Variants in CDH20 observed in about 807,000 individuals in gnomAD.
CDH20 encodes the protein cadherin 20, also known as cadherin-20.
In CDH20, 29 loss-of-function variants were observed where a neutral mutation model predicts 74.2. The ratio of observed to expected loss-of-function variants is 0.39; its 90% confidence interval spans 0.29 to 0.53. CDH20 has a LOEUF of 0.53. Among genes scored for constraint, CDH20 ranks in the 20% least tolerant of loss-of-function variants. CDH20 has a pLI of 0.69. For missense variants in CDH20, 988 were observed against 1,048.3 expected (o/e 0.94, Z 0.79); for synonymous variants, 469 against 405.4 (o/e 1.16, Z -1.88).
chr18:61,488,663 A>G (rs917939841), intron 1 of CDH20, among the ~76,000 whole-genome samples: 11 of 152,222 alleles, frequency 7.2e-5, no homozygotes, highest in Non-Finnish European at 2.9e-5. Context: ...TACAATATAC[A>G]GAATATTGCT....
intron 1 of CDH20, among the ~76,000 whole-genome samples, chr18:61,394,185 C>T (rs1911885921): frequency 6.6e-6 from 1 of 152,126 alleles, no homozygotes; most frequent in South Asian, 2.1e-4. Context: ...TGCTCAGGTG[C>T]TCAGAACAGA....
At chr18:61,378,527 T>C (rs887281452) in intron 1 of CDH20, among the ~76,000 whole-genome samples, 4 of 152,176 alleles carry the variant, frequency 2.6e-5, no homozygotes, top group African/African-American at 7.2e-5. Context: ...GTCTACGGGC[T>C]CAGATTTTAA....
At chr18:61,506,446 C>G (rs557494131) in intron 5 of CDH20, among the ~76,000 whole-genome samples, 1 of 152,240 alleles carries the variant, frequency 6.6e-6, no homozygotes. Context: ...AACTTGAGCC[C>G]TCACACCTGA....
At chr18:61,498,062 A>C (rs1911232142) in intron 2 of CDH20, among the ~76,000 whole-genome samples, 4 of 152,198 alleles carry the variant, frequency 2.6e-5, no homozygotes, top group African/African-American at 9.7e-5. Context: ...TATAGGCCTG[A>C]GATTTTAAAA....
chr18:61,546,769 G>A (rs540860372), intron 10 of CDH20, among the ~76,000 whole-genome samples: 1 of 152,324 alleles, frequency 6.6e-6, no homozygotes, highest in Non-Finnish European at 1.5e-5. Context: ...GATGACTATA[G>A]TAAGACGTGA....
chr18:61,553,068 G>A (rs1913492077), intron 11 of CDH20, among the ~76,000 whole-genome samples: 1 of 152,114 alleles, frequency 6.6e-6, no homozygotes, highest in Non-Finnish European at 1.5e-5. Flanking sequence ...ACGTATTAAT[G>A]TCATTAATTG....
At chr18:61,520,637 A>G (rs1912173326) in intron 6 of CDH20, among the ~76,000 whole-genome samples, 1 of 150,994 alleles carries the variant, frequency 6.6e-6, no homozygotes, top group South Asian at 2.1e-4. Flanking sequence ...CAGAATATAC[A>G]TTCTTCTCAG....
chr18:61,425,652 T>C (rs937276094), intron 1 of CDH20, among the ~76,000 whole-genome samples: 1 of 152,094 alleles, frequency 6.6e-6, no homozygotes, highest in Non-Finnish European at 1.5e-5. Flanking sequence ...GGAGCTAAGC[T>C]ATGAGGATGA....
At chr18:61,527,892 C>T (rs1912487532) in intron 6 of CDH20, 75 bp from the exon 7 acceptor site, 2 of 1,407,826 alleles carry the variant, frequency 1.4e-6, no homozygotes. Context: ...CAATATTGGG[C>T]ATCCTTTTGA....
chr18:61,352,097 A>C (rs1910324695), intron 1 of CDH20, among the ~76,000 whole-genome samples: 1 of 152,232 alleles, frequency 6.6e-6, no homozygotes, highest in African/African-American at 2.4e-5. Flanking sequence ...AATGATAATC[A>C]CTGTGCAAAA....
At chr18:61,334,174 T>A (rs899232750) in intron 1 of CDH20, 12 of 152,008 alleles carry the variant, frequency 7.9e-5, no homozygotes, top group African/African-American at 2.9e-4. Flanking sequence ...GCGCGGCTTG[T>A]GGGGGCGCTT....
intron 1 of CDH20, among the ~76,000 whole-genome samples, chr18:61,419,406 T>C (rs1390735872): frequency 3.3e-5 from 5 of 152,224 alleles, no homozygotes; most frequent in African/African-American, 1.2e-4. Context: ...AATGTTTTTG[T>C]GTATGTACCT....
chr18:61,465,247 A>G (rs1215019179), intron 1 of CDH20, among the ~76,000 whole-genome samples: 1 of 152,216 alleles, frequency 6.6e-6, no homozygotes, highest in Non-Finnish European at 1.5e-5. Context: ...ATACCCCTAC[A>G]GCTGCTAAAA....
At chr18:61,554,144 A>G (rs1913534288) in intron 11 of CDH20, 46 bp from the exon 12 acceptor site, 1 of 1,573,152 alleles carries the variant, frequency 6.4e-7, no homozygotes, top group Non-Finnish European at 8.6e-7. Flanking sequence ...CCGCACACAC[A>G]GCCACATCTC....
At chr18:61,433,606 C>T (rs76454902) in intron 1 of CDH20, among the ~76,000 whole-genome samples, 2,060 of 152,178 alleles carry the variant, frequency 0.014, 24 homozygotes, top group Middle Eastern at 0.024. Flanking sequence ...CAGCTCTTCA[C>T]CCATATGTAC....
chr18:61,463,771 C>A (rs1909863969), intron 1 of CDH20, among the ~76,000 whole-genome samples: 2 of 152,140 alleles, frequency 1.3e-5, no homozygotes, highest in African/African-American at 4.8e-5. Flanking sequence ...GGCACTGTGT[C>A]CTCACTCTGT....
intron 7 of CDH20, among the ~76,000 whole-genome samples, chr18:61,532,084 C>T (rs1177853940): frequency 1.3e-5 from 2 of 152,216 alleles, no homozygotes; most frequent in Non-Finnish European, 2.9e-5. Context: ...GGCCTGGTGG[C>T]TGGGAGCAGA....
Position 61,333,485 on chromosome 18 carries a change from C to CG in CDH20, c.-490dup. On this transcript the variant is annotated 5_prime_UTR_variant, in exon 1 of 12. Coordinates refer to ENST00000262717, the MANE Select transcript of CDH20 (RefSeq NM_031891.4). Reference sequence around the variant, plus strand: ...GGGGAAGCGGACCGCGCGCCACGCTCGGGGGACGGTGACCGCGACCAGGGG... The same window carrying CG: ...GGGGAAGCGGACCGCGCGCCACGCTCGGGGGGACGGTGACCGCGACCAGGGG... 6.6e-6 allele frequency: 1 copy of CG among 152,452 alleles called. No individual in the cohort carries two copies. Among genetic ancestry groups the CG allele is most frequent in the African/African-American group, 2.4e-5 (1 of 41,562 alleles). The allele number at this position is 152,452 out of a possible 1,614,324, so 9.4% of individuals were successfully genotyped here.
Position 61,339,202 on chromosome 18 carries a change from G to A in CDH20, c.-153+5375G>A, listed in dbSNP as rs114037605. Reference sequence around the variant, plus strand: ...TTACCTAACTCTTAAATGTGCGTATGCATATATGTTGTTAAAATGTACAAT... The same window carrying A: ...TTACCTAACTCTTAAATGTGCGTATACATATATGTTGTTAAAATGTACAAT... On this transcript the variant is annotated intron_variant, in intron 1 of 11. Coordinates refer to ENST00000262717, the MANE Select transcript of CDH20 (RefSeq NM_031891.4). Among the ~76,000 whole-genome samples the A allele has an allele frequency of 9.5e-3, 1,451 of 152,042 alleles. 21 individuals are homozygous for A. The highest frequency in any genetic ancestry group is 0.032 in the African/African-American group (1,333 of 41,474).
Sources: gnomAD v4.1 joint callset for allele counts (sites outside exome capture counted in the v4.1 genomes callset) on GRCh38, gnomAD v4.1.1 for gene constraint, MANE v1.5 for transcripts, NCBI Gene and HGNC (gene_info 2026-07-23, HGNC 2026-07-21) for gene names.